Variants in DUT observed in about 807,000 individuals in gnomAD.
DUT encodes the protein deoxyuridine 5'-triphosphate nucleotidohydrolase, mitochondrial.
DUT carries 21 observed loss-of-function variants against 28.8 expected under a neutral mutation model. That is an observed-to-expected ratio of 0.73 (90% confidence interval 0.52 to 1.05). DUT has a LOEUF of 1.05. Among genes scored for constraint, DUT ranks in the 50% least tolerant of loss-of-function variants. The pLI is 0.00. For missense variants in DUT, 344 were observed against 351.8 expected, an observed-to-expected ratio of 0.98 and a Z score of 0.18; for synonymous variants, 147 against 143.7, an observed-to-expected ratio of 1.02 and a Z score of -0.17.
At position 48,331,584 on chromosome 15, in the gene DUT, G is replaced by A. The variant is rs747955385; in HGVS notation, c.69G>A (p.Met23Ile). 1 of 1,593,370 alleles carries A rather than the reference G, an allele frequency of 6.3e-7. No homozygotes were observed. Residue 23 changes from methionine (M) to isoleucine (I), a missense_variant, in exon 1 of 7, where the codon ATG becomes ATA. Met to Ile is a conservative substitution (Grantham distance 10). Transcript: ENST00000331200. ...TTACGTCTCTGCTTCGCTCAGCGAT[G>A]CAAAACGCGCGAGGCGCACGGCAGA... ...HFLTSLLRSA[M>I]QNARGARQRA...
In DUT at chr15:48,343,311, C is replaced by G. The variant is rs2042561746; in HGVS notation, c.*1233C>G. On this transcript the variant is annotated 3_prime_UTR_variant, in exon 7 of 7. Coordinates refer to ENST00000331200, the MANE Select transcript of DUT (RefSeq NM_001025248.2). ...GGGACATAGCCAGCATTTTTGCATA[C>G]CAGGTTGGGCTATAAAATATTTCTG... 6.6e-6 allele frequency: 1 copy of G among 152,116 alleles called. No homozygotes were observed. Among genetic ancestry groups the G allele is most frequent in the East Asian group, 1.9e-4 (1 of 5,196 alleles). The allele number at this position is 152,116 out of a possible 1,614,324, so 9.4% of individuals were successfully genotyped here.
chr15:48,334,349 T>G, intron 2 of DUT, 68 bp from the exon 3 acceptor site: 1 of 1,094,004 alleles, frequency 9.1e-7, no homozygotes, highest in Non-Finnish European at 1.3e-6. Flanking sequence ...GTATGCTTGG[T>G]CACAAAGAAA....
In DUT at chr15:48,331,945, C is replaced by G. The variant is rs1317269897; in HGVS notation, c.280+150C>G. ...TTAGGGTCCCCTGGCGAGGGGGCGG[C>G]TTTCTAGTGTGTGAGGGCGACGCCC... On this transcript the variant is annotated intron_variant, in intron 1 of 6. Coordinates refer to ENST00000331200, the MANE Select transcript of DUT (RefSeq NM_001025248.2). 3.2e-6 allele frequency: 3 copies of G among 923,522 alleles called. No individual in the cohort carries two copies. In the Admixed American group the frequency reaches 1.2e-4, roughly 36 times the overall value. 57.2% of individuals were successfully genotyped at this position (923,522 alleles called of 1,614,324 possible).
chr15:48,338,407 G>GT (rs1450580405), intron 4 of DUT, among the ~76,000 whole-genome samples: 3 of 152,042 alleles, frequency 2.0e-5, no homozygotes, highest in African/African-American at 2.4e-5. Context: ...AAAAGGGAGT[G>GT]TTTTTGTATG....
At chr15:48,331,839 C>T in intron 1 of DUT, 44 bp downstream of exon 1, 1 of 1,239,584 alleles carries the variant, frequency 8.1e-7, no homozygotes, top group Middle Eastern at 3.1e-4. Context: ...GGAAGGAATC[C>T]ACGCGGCTTG....
intron 1 of DUT, chr15:48,332,021 C>T: frequency 1.0e-6 from 1 of 973,876 alleles, no homozygotes; most frequent in Non-Finnish European, 1.4e-6. Flanking sequence ...GGAAAGTTGA[C>T]TGGGACCCAG....
At chr15:48,334,237 C>T (rs917398588) in intron 2 of DUT, among the ~76,000 whole-genome samples, 180 bp from the exon 3 acceptor site, 1 of 152,178 alleles carries the variant, frequency 6.6e-6, no homozygotes, top group Non-Finnish European at 1.5e-5. Context: ...CCACCTCTAC[C>T]TTCTTCATAA....
chr15:48,342,921 C>T lies in DUT; in HGVS notation c.*843C>T, dbSNP rs779453965. On this transcript the variant is annotated 3_prime_UTR_variant, in exon 7 of 7. Coordinates refer to ENST00000331200, the MANE Select transcript of DUT (RefSeq NM_001025248.2). ...CCACCAGGTTTTTCTGTCTCACATA[C>T]ATAAGCAGCATTTCATTGCAGATAT... 1 of 152,208 alleles carries T rather than the reference C, an allele frequency of 6.6e-6. No individual in the cohort carries two copies. Among genetic ancestry groups the T allele is most frequent in the Non-Finnish European group, 1.5e-5 (1 of 68,038 alleles). The allele number at this position is 152,208 out of a possible 1,614,324, so 9.4% of individuals were successfully genotyped here.
intron 3 of DUT, among the ~76,000 whole-genome samples, chr15:48,335,103 G>T (rs2042460931): frequency 6.6e-6 from 1 of 152,200 alleles, no homozygotes; most frequent in Admixed American, 6.5e-5. Flanking sequence ...GAAACTGCCA[G>T]TACTTCAGCC....
chr15:48,331,162 G>C (rs1377798893), upstream of DUT: 6 of 1,520,400 alleles, frequency 3.9e-6, no homozygotes, highest in Non-Finnish European at 5.3e-6. Flanking sequence ...CAGAGCCCGG[G>C]AGTCATGGCT....
chr15:48,336,837 G>C (rs1464932808), intron 4 of DUT, among the ~76,000 whole-genome samples: 1 of 152,108 alleles, frequency 6.6e-6, no homozygotes, highest in Non-Finnish European at 1.5e-5. Flanking sequence ...CTTTATGGAG[G>C]CTTGTTAACA....
Position 48,332,613 on chromosome 15 carries a change from G to A in DUT, c.419+207G>A, listed in dbSNP as rs1291729715. ...TGCAGAATAAGTAAAATAGCTATACGGTGTCTAGCAAGGCGTTACTTTGCA... is the reference window on the plus strand; with the variant it reads ...TGCAGAATAAGTAAAATAGCTATACAGTGTCTAGCAAGGCGTTACTTTGCA... On this transcript the variant is annotated intron_variant, in intron 2 of 6. Transcript: ENST00000331200. The A allele has an allele frequency of 4.0e-5, 28 of 702,528 alleles. No individual in the cohort carries two copies. The Admixed American group carries it at 4.6e-4, about 12-fold the overall frequency. 43.5% of individuals were successfully genotyped at this position (702,528 alleles called of 1,614,324 possible). A position where few individuals can be genotyped will look rare whatever the true frequency, so the allele number is the denominator to read the frequency against.
At chr15:48,334,161 TCACAC>T (rs747418448) in intron 2 of DUT, among the ~76,000 whole-genome samples, 1 of 152,206 alleles carries the variant, frequency 6.6e-6, no homozygotes, top group Non-Finnish European at 1.5e-5. Flanking sequence ...TGACATCTCT[TCACAC>T]CACCAAAAAT....
chr15:48,333,161 T>C (rs1305447298), intron 2 of DUT, among the ~76,000 whole-genome samples: 1 of 152,098 alleles, frequency 6.6e-6, no homozygotes, highest in Non-Finnish European at 1.5e-5. Context: ...GGAGATTTTA[T>C]ACTAAATCCC....
Position 48,342,597 on chromosome 15 carries a change from T to G in DUT, c.*519T>G, listed in dbSNP as rs991096556. 1 of 152,234 alleles carries G rather than the reference T, an allele frequency of 6.6e-6. No individual in the cohort carries two copies. The highest frequency in any genetic ancestry group is 1.5e-5 in the Non-Finnish European group (1 of 68,036). 9.4% of individuals were successfully genotyped at this position (152,234 alleles called of 1,614,324 possible). ...TGTTCTTCCCTTCTCTTCACTAGTC[T>G]AAAAACTTCTTTTTAATCTTAAGAT... On this transcript the variant is annotated 3_prime_UTR_variant, in exon 7 of 7. Coordinates refer to ENST00000331200, the MANE Select transcript of DUT (RefSeq NM_001025248.2).
chr15:48,332,704 C>G, intron 2 of DUT: 1 of 600,990 alleles, frequency 1.7e-6, no homozygotes, highest in Non-Finnish European at 3.1e-6. Context: ...TCGAGTGGCC[C>G]GAGGGTGATG....
intron 1 of DUT, chr15:48,332,021 C>A: frequency 1.0e-6 from 1 of 973,872 alleles, no homozygotes; most frequent in Non-Finnish European, 1.4e-6. Flanking sequence ...GGAAAGTTGA[C>A]TGGGACCCAG....
chr15:48,340,216 T>A (rs2042518847), intron 4 of DUT: 1 of 152,116 alleles, frequency 6.6e-6, no homozygotes, highest in South Asian at 2.1e-4. Flanking sequence ...TAGATTCACG[T>A]GAGTCTTATC....
chr15:48,334,399 C>A lies in DUT; in HGVS notation c.420-18C>A. 1 of 1,477,556 alleles carries A rather than the reference C, an allele frequency of 6.8e-7. No individual in the cohort carries two copies. The highest frequency in any genetic ancestry group is 1.4e-5 in the South Asian group (1 of 72,128). 91.5% of individuals were successfully genotyped at this position (1,477,556 alleles called of 1,614,324 possible). ...TTATAAATAGATTTGCAGTTATTTTCTTTCAATATTTTCTTAGTGCCTATG... is the reference window on the plus strand; with the variant it reads ...TTATAAATAGATTTGCAGTTATTTTATTTCAATATTTTCTTAGTGCCTATG... On this transcript the variant is annotated intron_variant, in intron 2 of 6. Transcript: ENST00000331200.
Sources: gnomAD v4.1 joint callset for allele counts (sites outside exome capture counted in the v4.1 genomes callset) on GRCh38, gnomAD v4.1.1 for gene constraint, MANE v1.5 for transcripts, NCBI Gene and HGNC (gene_info 2026-07-23, HGNC 2026-07-21) for gene names.